Variants in NAALADL2 observed in about 807,000 individuals in gnomAD.
The protein encoded by NAALADL2 is N-acetylated alpha-linked acidic dipeptidase like 2.
Under a neutral mutation model 87.2 loss-of-function variants are expected in NAALADL2, and 76 were observed. The ratio of observed to expected loss-of-function variants is 0.87; its 90% CI spans 0.72 to 1.05. The LOEUF (loss-of-function observed/expected upper bound fraction) is 1.05. Among genes scored for constraint, NAALADL2 ranks in the 50% least tolerant of loss-of-function variants. NAALADL2 has a pLI of 0.00. For missense variants in NAALADL2, 1,089 were observed against 945.8 expected (o/e 1.15, Z -1.99); for synonymous variants, 354 against 331.0 (o/e 1.07, Z -0.75).
chr3:175,167,832 C>A (rs1734210225), intron 2 of NAALADL2, among the ~76,000 whole-genome samples: 1 of 151,998 alleles, frequency 6.6e-6, no homozygotes, highest in South Asian at 2.1e-4. Flanking sequence ...TCCTTCTATA[C>A]CCATGTCTTA....
chr3:174,918,533 G>C (rs1411462684), intron 1 of NAALADL2, among the ~76,000 whole-genome samples: 2 of 152,154 alleles, frequency 1.3e-5, no homozygotes, highest in East Asian at 3.9e-4. Context: ...GGATCATCTA[G>C]GTGATTGCGC....
At chr3:175,043,996 C>T (rs1754388924) in intron 1 of NAALADL2, among the ~76,000 whole-genome samples, 1 of 152,030 alleles carries the variant, frequency 6.6e-6, no homozygotes, top group African/African-American at 2.4e-5. Flanking sequence ...GTTAATTCTT[C>T]CAATCTGTGA....
At chr3:175,802,600 C>G (rs1029006905) in intron 13 of NAALADL2, among the ~76,000 whole-genome samples, 1 of 151,942 alleles carries the variant, frequency 6.6e-6, no homozygotes, top group Non-Finnish European at 1.5e-5. Context: ...GGTCATTTGT[C>G]TTATAAAGTT....
chr3:174,512,847 T>C (rs895934274), intron 1 of NAALADL2, among the ~76,000 whole-genome samples: 1 of 152,194 alleles, frequency 6.6e-6, no homozygotes, highest in African/African-American at 2.4e-5. Flanking sequence ...TTACTCTGGT[T>C]TTCTTAATAA....
chr3:174,607,950 A>C (rs1017708530), intron 2 of NAALADL2, among the ~76,000 whole-genome samples: 7 of 152,154 alleles, frequency 4.6e-5, no homozygotes, highest in South Asian at 2.1e-4. Flanking sequence ...AAAGAACAGA[A>C]ATTATAACAA....
chr3:175,195,285 C>T lies in NAALADL2; in HGVS notation c.546-38646C>T, dbSNP rs1205097968. 1.3e-5 allele frequency among the ~76,000 whole-genome samples: 2 copies of T among 151,642 alleles called. 1 individual carries two copies. The highest frequency in any genetic ancestry group is 4.2e-4 in the South Asian group (2 of 4,810). The stretch of plus-strand genomic sequence containing the variant: ...GAAGAGACAATGAATAGAACAATCC[C>T]CTGATTTTACAACACTTACACTCTA... On this transcript the variant is annotated intron_variant, in intron 2 of 13. Transcript: ENST00000454872.
intron 2 of NAALADL2, among the ~76,000 whole-genome samples, chr3:174,599,799 G>A (rs1327634777): frequency 6.6e-6 from 1 of 152,068 alleles, no homozygotes; most frequent in Non-Finnish European, 1.5e-5. Flanking sequence ...TACAAAGACT[G>A]CTTTCGTCAA....
At chr3:175,640,815 T>A (rs918995185) in intron 11 of NAALADL2, among the ~76,000 whole-genome samples, 9 of 152,204 alleles carry the variant, frequency 5.9e-5, no homozygotes, top group Middle Eastern at 3.4e-3. Flanking sequence ...TATAAAAAAA[T>A]TTAAAATCTT....
rs1395712299 is a variant in NAALADL2 at position 175,755,232 on chromosome 3, A to G, written c.2003A>G (p.Asn668Ser). 3 of 1,612,554 alleles carry G rather than the reference A, an allele frequency of 1.9e-6. No individual in the cohort carries two copies. Among genetic ancestry groups the G allele is most frequent in the East Asian group, 2.2e-5 (1 of 44,864 alleles). The change falls in exon 13 of 14, where the codon AAC becomes AGC. Residue 668 changes from asparagine to serine, a missense_variant. Physicochemically the swap from Asn to Ser is conservative, Grantham distance 46 (BLOSUM62 1). Coordinates refer to ENST00000454872, the MANE Select transcript of NAALADL2 (RefSeq NM_207015.3). ...TTATCTTCACCAGGTGATCAACCCAACACTCATCAACTGTTAGCCATGGCG... is the reference window on the plus strand; with the variant it reads ...TTATCTTCACCAGGTGATCAACCCAGCACTCATCAACTGTTAGCCATGGCG... The part of the protein sequence containing the change: ...VQNNLKGDQP[N>S]THQLLAMALR...
At chr3:174,473,295 A>G (rs889723566) in intron 1 of NAALADL2, among the ~76,000 whole-genome samples, 3 of 152,144 alleles carry the variant, frequency 2.0e-5, no homozygotes, top group Non-Finnish European at 4.4e-5. Flanking sequence ...ACAATCATAG[A>G]TGATCTGCTC....
In NAALADL2 at chr3:175,560,218, C is replaced by T. The variant is rs140407638; in HGVS notation, c.1654-15823C>T. ...TCTCCTAGATTTCCCAGTTTAGTGGCGTAGTTGATCATAGTAGCCACTAAT... is the reference window on the plus strand; with the variant it reads ...TCTCCTAGATTTCCCAGTTTAGTGGTGTAGTTGATCATAGTAGCCACTAAT... On this transcript the variant is annotated intron_variant, in intron 9 of 13. Transcript: ENST00000454872. 5.8e-3 allele frequency among the ~76,000 whole-genome samples: 876 copies of T among 152,192 alleles called. 8 individuals carry two copies. Among genetic ancestry groups the T allele is most frequent in the African/African-American group, 0.02 (828 of 41,524 alleles).
intron 3 of NAALADL2, among the ~76,000 whole-genome samples, chr3:174,777,282 C>G (rs1274863735): frequency 1.3e-5 from 2 of 152,088 alleles, no homozygotes; most frequent in South Asian, 4.1e-4. Context: ...TGTAAAAAAT[C>G]ATACCACCTT....
At chr3:175,034,945 T>C (rs1353321223) in intron 1 of NAALADL2, among the ~76,000 whole-genome samples, 2 of 152,310 alleles carry the variant, frequency 1.3e-5, no homozygotes, top group East Asian at 3.9e-4. Context: ...TATAACCTCA[T>C]TGAGTGTTTT....
intron 3 of NAALADL2, among the ~76,000 whole-genome samples, chr3:174,845,606 G>A (rs1423255014): frequency 1.3e-5 from 2 of 152,196 alleles, no homozygotes; most frequent in Admixed American, 6.5e-5. Flanking sequence ...GCCCAGGGCT[G>A]GGTGTGTTCA....
At chr3:174,957,180 C>T (rs762328023) in intron 1 of NAALADL2, among the ~76,000 whole-genome samples, 4 of 152,006 alleles carry the variant, frequency 2.6e-5, no homozygotes, top group Non-Finnish European at 5.9e-5. Flanking sequence ...GGCATACTAA[C>T]AGGGCTCTAA....
intron 2 of NAALADL2, among the ~76,000 whole-genome samples, chr3:175,160,014 C>CTTTTT (rs1732904695): frequency 2.3e-5 from 1 of 43,666 alleles, no homozygotes; most frequent in Non-Finnish European, 7.0e-5. Context: ...TTTTTTTTTA[C>CTTTTT]TTTTAGTAGA....
At chr3:175,330,592 A>G (rs1761281651) in intron 5 of NAALADL2, among the ~76,000 whole-genome samples, 1 of 152,228 alleles carries the variant, frequency 6.6e-6, no homozygotes, top group Admixed American at 6.5e-5. Context: ...TAAGGAGGGA[A>G]AAAATATTGA....
intron 4 of NAALADL2, among the ~76,000 whole-genome samples, chr3:175,299,910 A>G (rs1479067187): frequency 6.6e-6 from 1 of 152,120 alleles, no homozygotes. Flanking sequence ...TCATTATGAT[A>G]TTGGCTGTGG....
intron 1 of NAALADL2, among the ~76,000 whole-genome samples, chr3:175,054,983 G>A (rs1451504893): frequency 2.0e-5 from 3 of 152,128 alleles, no homozygotes; most frequent in Non-Finnish European, 4.4e-5. Flanking sequence ...ATACTTCGGG[G>A]GCTTTACCAA....
Sources: gnomAD v4.1 joint callset for allele counts (sites outside exome capture counted in the v4.1 genomes callset) on GRCh38, gnomAD v4.1.1 for gene constraint, MANE v1.5 for transcripts, NCBI Gene and HGNC (gene_info 2026-07-23, HGNC 2026-07-21) for gene names.